Variants in RBFOX1 observed in about 807,000 individuals in gnomAD.
RBFOX1 encodes the protein RNA binding protein fox-1 homolog 1.
A neutral mutation model predicts 57.7 loss-of-function variants in RBFOX1; 8 were observed. The observed-to-expected ratio is 0.14, with a 90% confidence interval of 0.08 to 0.25. The LOEUF is 0.25. Among genes scored for constraint, RBFOX1 ranks in the 10% least tolerant of loss-of-function variants. The pLI is 1.00. For synonymous variants in RBFOX1, 326 were observed against 222.4 expected (o/e 1.47, Z -4.15); for missense variants, 611 against 548.5 (o/e 1.11, Z -1.14).
intron 3 of RBFOX1, among the ~76,000 whole-genome samples, chr16:6,835,997 CAGA>C (rs2093068629): frequency 6.6e-6 from 1 of 152,078 alleles, no homozygotes; most frequent in Admixed American, 6.6e-5. Context: ...CATCTAACTG[CAGA>C]AGAAGCTCAG....
At chr16:7,244,623 T>C (rs1232853764) in intron 4 of RBFOX1, among the ~76,000 whole-genome samples, 1 of 152,208 alleles carries the variant, frequency 6.6e-6, no homozygotes, top group Non-Finnish European at 1.5e-5. Flanking sequence ...TCGAGTTAGA[T>C]TCAGTATTCA....
At chr16:7,476,699 T>G (rs2062791212) in intron 4 of RBFOX1, among the ~76,000 whole-genome samples, 1 of 152,040 alleles carries the variant, frequency 6.6e-6, no homozygotes. Context: ...TCACTTCATT[T>G]CCCCAGAAAG....
At position 6,865,400 on chromosome 16, in the gene RBFOX1, C is replaced by A. The variant is rs553203644; in HGVS notation, c.-15-186657C>A. On this transcript the variant is annotated intron_variant, in intron 3 of 15. Transcript: ENST00000550418. Reference sequence around the variant, plus strand: ...GCAGAAAAACACAAAGAAGAAAAATCATTTCTAATTTTACCAGTGTTTATC... The same window carrying A: ...GCAGAAAAACACAAAGAAGAAAAATAATTTCTAATTTTACCAGTGTTTATC... Among the ~76,000 whole-genome samples, 41 of 152,112 alleles carry A rather than the reference C, an allele frequency of 2.7e-4. No homozygotes were observed. In the South Asian group the frequency reaches 7.1e-3, roughly 26 times the overall value.
At chr16:7,507,796 G>A (rs555060093) in intron 4 of RBFOX1, among the ~76,000 whole-genome samples, 1 of 151,912 alleles carries the variant, frequency 6.6e-6, no homozygotes, top group Non-Finnish European at 1.5e-5. Context: ...ATGTCCTGAC[G>A]TCGTGATCCG....
chr16:5,402,919 G>C (rs1245163342), intron 1 of RBFOX1, among the ~76,000 whole-genome samples: 1 of 152,170 alleles, frequency 6.6e-6, no homozygotes, highest in East Asian at 1.9e-4. Context: ...AAAATAAACA[G>C]TAAAATATCA....
intron 2 of RBFOX1, among the ~76,000 whole-genome samples, chr16:6,417,388 G>C (rs1455048108): frequency 6.8e-6 from 1 of 146,358 alleles, no homozygotes; most frequent in Admixed American, 6.9e-5. Flanking sequence ...AAGAGTTTCA[G>C]TTAGTCAAAT....
At chr16:6,671,872 GT>G (rs2098767325) in intron 3 of RBFOX1, among the ~76,000 whole-genome samples, 1 of 152,168 alleles carries the variant, frequency 6.6e-6, no homozygotes, top group South Asian at 2.1e-4. Flanking sequence ...AAATTTTTGT[GT>G]GCCATTTTAC....
chr16:5,606,345 T>C (rs551800018), intron 3 of RBFOX1, among the ~76,000 whole-genome samples: 1 of 152,124 alleles, frequency 6.6e-6, no homozygotes, highest in Admixed American at 6.5e-5. Context: ...ACCATCCAAA[T>C]TCCTAACCAT....
At chr16:6,526,847 A>AC (rs1396126308) in intron 2 of RBFOX1, among the ~76,000 whole-genome samples, 1 of 149,296 alleles carries the variant, frequency 6.7e-6, no homozygotes, top group Non-Finnish European at 1.5e-5. Flanking sequence ...AAAAAAAAAA[A>AC]AAAAAAAAAA....
intron 3 of RBFOX1, among the ~76,000 whole-genome samples, chr16:6,747,575 A>G (rs1284484660): frequency 1.3e-5 from 2 of 152,140 alleles, no homozygotes; most frequent in East Asian, 3.9e-4. Flanking sequence ...GTTAAAAGTG[A>G]TATTTTTAGT....
At chr16:6,353,314 T>C (rs532172829) in intron 2 of RBFOX1, among the ~76,000 whole-genome samples, 7 of 152,050 alleles carry the variant, frequency 4.6e-5, no homozygotes, top group Non-Finnish European at 8.8e-5. Context: ...TTTAGCTCTA[T>C]GAGAGATTTC....
chr16:5,311,433 A>G (rs1286845235), intron 1 of RBFOX1, among the ~76,000 whole-genome samples: 1 of 152,074 alleles, frequency 6.6e-6, no homozygotes, highest in African/African-American at 2.4e-5. Context: ...GGATTGCTGA[A>G]TTGAGTGATA....
intron 3 of RBFOX1, among the ~76,000 whole-genome samples, chr16:6,947,057 T>C (rs547115983): frequency 7.2e-5 from 11 of 152,176 alleles, no homozygotes; most frequent in Non-Finnish European, 1.5e-4. Context: ...CATCTGTAAT[T>C]GAGAGAAGGT....
chr16:6,740,817 G>A (rs1335341341), intron 3 of RBFOX1, among the ~76,000 whole-genome samples: 2 of 152,136 alleles, frequency 1.3e-5, no homozygotes, highest in Non-Finnish European at 2.9e-5. Context: ...CAGAGGTAAT[G>A]CAATCATTTC....
intron 1 of RBFOX1, among the ~76,000 whole-genome samples, chr16:6,204,238 C>G (rs951956679): frequency 6.6e-6 from 1 of 152,214 alleles, no homozygotes; most frequent in Non-Finnish European, 1.5e-5. Context: ...AAGCTTTAAA[C>G]TGCTTCCATT....
intron 4 of RBFOX1, among the ~76,000 whole-genome samples, chr16:7,161,014 G>A (rs2078216284): frequency 6.6e-6 from 1 of 152,160 alleles, no homozygotes; most frequent in Admixed American, 6.5e-5. Context: ...CTTTAGATGT[G>A]TTGGTCCATT....
At chr16:7,422,108 G>C (rs1430962183) in intron 4 of RBFOX1, among the ~76,000 whole-genome samples, 1 of 152,140 alleles carries the variant, frequency 6.6e-6, no homozygotes, top group Non-Finnish European at 1.5e-5. Context: ...GGCTTTGGTC[G>C]AGCCTGTGAT....
At chr16:5,633,171 T>G (rs1252873768) in intron 3 of RBFOX1, among the ~76,000 whole-genome samples, 1 of 151,924 alleles carries the variant, frequency 6.6e-6, no homozygotes, top group Non-Finnish European at 1.5e-5. Flanking sequence ...ACTCCTGACC[T>G]CGTGATCCAG....
chr16:7,197,733 G>A (rs2087101893), intron 4 of RBFOX1, among the ~76,000 whole-genome samples: 1 of 152,134 alleles, frequency 6.6e-6, no homozygotes, highest in Non-Finnish European at 1.5e-5. Context: ...GTAGTAGAAC[G>A]TTATTCAACA....
Sources: gnomAD v4.1 joint callset for allele counts (sites outside exome capture counted in the v4.1 genomes callset) on GRCh38, gnomAD v4.1.1 for gene constraint, MANE v1.5 for transcripts, NCBI Gene and HGNC (gene_info 2026-07-23, HGNC 2026-07-21) for gene names.